ZNF385D: variants seen among roughly 807,000 people sequenced by gnomAD.
ZNF385D encodes the protein zinc finger protein 385D.
A neutral mutation model predicts 35.8 loss-of-function variants in ZNF385D; 15 were observed. The observed-to-expected ratio is 0.42, with a 90% CI of 0.28 to 0.64. The LOEUF is 0.64. Ranked by LOEUF, ZNF385D falls within the 30% of genes least tolerant of loss-of-function variation. The probability of loss-of-function intolerance (pLI) is 0.23; values close to 1 mark genes in which losing one functional copy is unlikely to be tolerated. For synonymous variants in ZNF385D, 212 were observed against 186.8 expected (o/e 1.13, Z -1.10); for missense variants, 474 against 494.6 (o/e 0.96, Z 0.39).
intron 1 of ZNF385D, among the ~76,000 whole-genome samples, chr3:21,675,745 T>C (rs1457404690): frequency 6.6e-6 from 1 of 152,130 alleles, no homozygotes; most frequent in Admixed American, 6.6e-5. Context: ...TTATCATGTT[T>C]ATAATCCAGT....
At chr3:21,513,905 C>T (rs749909867) in intron 3 of ZNF385D, among the ~76,000 whole-genome samples, 2 of 152,060 alleles carry the variant, frequency 1.3e-5, no homozygotes, top group African/African-American at 4.8e-5. Context: ...TATGTGAAGG[C>T]AGAAAACCCA....
At chr3:22,141,610 T>G (rs1704507684) in intron 3 of ZNF385D, among the ~76,000 whole-genome samples, 1 of 152,178 alleles carries the variant, frequency 6.6e-6, no homozygotes, top group Admixed American at 6.5e-5. Context: ...TTCACTGGCC[T>G]GCTGTTCACC....
intron 1 of ZNF385D, among the ~76,000 whole-genome samples, chr3:21,712,201 C>T (rs945762652): frequency 6.6e-6 from 1 of 152,160 alleles, no homozygotes; most frequent in African/African-American, 2.4e-5. Context: ...AAACATCCTT[C>T]CTTCTTGAAA....
chr3:22,143,589 T>C (rs1704662374), intron 3 of ZNF385D, among the ~76,000 whole-genome samples: 1 of 152,200 alleles, frequency 6.6e-6, no homozygotes, highest in Non-Finnish European at 1.5e-5. Context: ...TAACACGATA[T>C]ATATTTTTCT....
chr3:22,342,856 T>C (rs17011226), intron 2 of ZNF385D, among the ~76,000 whole-genome samples: 56,900 of 152,076 alleles, frequency 0.37, 13,057 homozygotes, highest in African/African-American at 0.64. Flanking sequence ...TCTCAAAAGC[T>C]TCCTGACTAT....
intron 1 of ZNF385D, among the ~76,000 whole-genome samples, chr3:21,749,600 G>A (rs2069958706): frequency 6.6e-6 from 1 of 152,196 alleles, no homozygotes; most frequent in Non-Finnish European, 1.5e-5. Context: ...CCACTGGAAA[G>A]AGATGGTTTT....
intron 3 of ZNF385D, among the ~76,000 whole-genome samples, chr3:22,032,415 T>C (rs1294913120): frequency 9.9e-5 from 15 of 152,146 alleles, no homozygotes; most frequent in Admixed American, 9.8e-4. Flanking sequence ...CTATCGGATC[T>C]CATGAGAACC....
At chr3:22,060,680 G>A (rs1699643742) in intron 3 of ZNF385D, among the ~76,000 whole-genome samples, 1 of 151,902 alleles carries the variant, frequency 6.6e-6, no homozygotes, top group African/African-American at 2.4e-5. Context: ...TAGAGCATGA[G>A]GAAATGAAGT....
chr3:22,278,798 T>C (rs560139859), intron 2 of ZNF385D, among the ~76,000 whole-genome samples: 2 of 152,256 alleles, frequency 1.3e-5, no homozygotes, highest in South Asian at 2.1e-4. Context: ...GAATTCCTTC[T>C]CTTGGGCAGG....
chr3:21,939,471 T>G (rs1371855767), intron 3 of ZNF385D, among the ~76,000 whole-genome samples: 1 of 145,244 alleles, frequency 6.9e-6, no homozygotes, highest in African/African-American at 2.4e-5. Context: ...AACTATACAC[T>G]TGTTCACAAA....
At chr3:21,943,325 T>C (rs1444720952) in intron 3 of ZNF385D, among the ~76,000 whole-genome samples, 1 of 151,504 alleles carries the variant, frequency 6.6e-6, no homozygotes, top group Non-Finnish European at 1.5e-5. Flanking sequence ...TATGTATATA[T>C]ATACATATAT....
chr3:21,597,018 A>G (rs915194565), intron 2 of ZNF385D, among the ~76,000 whole-genome samples: 2 of 152,222 alleles, frequency 1.3e-5, no homozygotes, highest in African/African-American at 2.4e-5. Flanking sequence ...AAAAGGTATT[A>G]TAATGAAATT....
chr3:22,097,954 G>A (rs915578633), intron 3 of ZNF385D, among the ~76,000 whole-genome samples: 1 of 151,954 alleles, frequency 6.6e-6, no homozygotes, highest in African/African-American at 2.4e-5. Flanking sequence ...GCTTGAACAA[G>A]GATCATACTA....
At chr3:21,836,081 C>G (rs1175266904) in intron 3 of ZNF385D, among the ~76,000 whole-genome samples, 1 of 152,002 alleles carries the variant, frequency 6.6e-6, no homozygotes, top group East Asian at 1.9e-4. Flanking sequence ...GTTACAATAA[C>G]TTCTTTTGCA....
intron 1 of ZNF385D, among the ~76,000 whole-genome samples, chr3:21,689,110 C>T (rs2067199238): frequency 6.9e-6 from 1 of 144,684 alleles, no homozygotes; most frequent in African/African-American, 2.6e-5. Context: ...AATCATCTGT[C>T]CTGCCCCACC....
chr3:22,227,253 CTTTT>C (rs979477407), intron 2 of ZNF385D, among the ~76,000 whole-genome samples: 1 of 152,046 alleles, frequency 6.6e-6, no homozygotes, highest in African/African-American at 2.4e-5. Flanking sequence ...TTGTTACACT[CTTTT>C]TTTATGATGT....
At chr3:22,277,026 T>C (rs1405798356) in intron 2 of ZNF385D, among the ~76,000 whole-genome samples, 1 of 152,146 alleles carries the variant, frequency 6.6e-6, no homozygotes, top group Admixed American at 6.6e-5. Flanking sequence ...ATGTCATATT[T>C]CATTCTATTT....
At position 21,676,546 on chromosome 3, in the gene ZNF385D, T is replaced by C. The variant is rs534223601; in HGVS notation, c.23-11518A>G. 3.7e-4 allele frequency among the ~76,000 whole-genome samples: 56 copies of C among 152,216 alleles called. 1 individual carries two copies. The highest frequency in any genetic ancestry group is 3.5e-3 in the Admixed American group (53 of 15,254). On this transcript the variant is annotated intron_variant, in intron 1 of 7. Transcript: ENST00000281523. ...TATTAAATGATTGTAAGCAAGAAGA[T>C]CCACACAACCATATTTTATTTTTAT...
intron 3 of ZNF385D, among the ~76,000 whole-genome samples, chr3:22,021,202 C>G (rs1165334319): frequency 1.3e-5 from 2 of 151,810 alleles, no homozygotes; most frequent in Admixed American, 1.3e-4. Flanking sequence ...CTTGCCACTA[C>G]ACAATCGATA....
Sources: allele counts gnomAD v4.1 joint callset (sites outside exome capture counted in the v4.1 genomes callset), GRCh38; gene constraint gnomAD v4.1.1; transcripts MANE v1.5; gene names NCBI Gene and HGNC (gene_info 2026-07-23, HGNC 2026-07-21).